Variants in WDFY1 observed in about 807,000 individuals in gnomAD.
WDFY1 encodes the protein WD repeat and FYVE domain-containing protein 1.
In WDFY1, 32 loss-of-function variants were observed where a neutral mutation model predicts 56.4. That is an observed-to-expected ratio of 0.57 (90% CI 0.43 to 0.76). The LOEUF is 0.76. WDFY1 is among the 30% of genes least tolerant of loss of function. The pLI is 0.00. For missense variants in WDFY1, 480 were observed against 545.7 expected (o/e 0.88, Z 1.20); for synonymous variants, 192 against 197.3 (o/e 0.97, Z 0.23).
intron 1 of WDFY1, among the ~76,000 whole-genome samples, chr2:223,934,354 G>A (rs1223313848): frequency 1.3e-5 from 2 of 151,992 alleles, no homozygotes; most frequent in Non-Finnish European, 2.9e-5. Flanking sequence ...GCCCCGCAAA[G>A]TGCTGGGATT....
intron 8 of WDFY1, among the ~76,000 whole-genome samples, chr2:223,888,410 T>C (rs1693208225): frequency 6.6e-6 from 1 of 152,012 alleles, no homozygotes; most frequent in Non-Finnish European, 1.5e-5. Flanking sequence ...GGGGCTGGCA[T>C]TTGAATTATG....
At chr2:223,909,115 T>G (rs2106087036) in intron 3 of WDFY1, among the ~76,000 whole-genome samples, 1 of 152,264 alleles carries the variant, frequency 6.6e-6, no homozygotes, top group Admixed American at 6.5e-5. Flanking sequence ...CCATGTAGTT[T>G]CCCTAAAGCA....
At chr2:223,921,597 A>T in intron 1 of WDFY1, among the ~76,000 whole-genome samples, 1 of 147,064 alleles carries the variant, frequency 6.8e-6, no homozygotes, top group Admixed American at 6.8e-5. Context: ...TATTTTAAAG[A>T]TTTTTTTTTT....
At chr2:223,929,080 C>A (rs773347817) in intron 1 of WDFY1, among the ~76,000 whole-genome samples, 2 of 152,072 alleles carry the variant, frequency 1.3e-5, no homozygotes. Flanking sequence ...AGAAGATGCT[C>A]CCAAAAGGCA....
At chr2:223,945,005 G>A in intron 1 of WDFY1, 143 bp downstream of exon 1, 1 of 971,540 alleles carries the variant, frequency 1.0e-6, no homozygotes. Context: ...GGAACCCGGC[G>A]GAGCTAAGGG....
intron 6 of WDFY1, among the ~76,000 whole-genome samples, chr2:223,898,745 C>G (rs1019316301): frequency 2.0e-5 from 3 of 152,100 alleles, no homozygotes; most frequent in African/African-American, 7.2e-5. Flanking sequence ...AAAGTATTAT[C>G]CACACAAGCA....
intron 3 of WDFY1, among the ~76,000 whole-genome samples, chr2:223,908,814 T>C (rs1198317985): frequency 5.3e-5 from 8 of 152,160 alleles, no homozygotes; most frequent in Non-Finnish European, 1.0e-4. Context: ...ATCTTTTCTG[T>C]CTCTGAAGAC....
At chr2:223,925,226 A>T (rs1187719863) in intron 1 of WDFY1, among the ~76,000 whole-genome samples, 1 of 152,016 alleles carries the variant, frequency 6.6e-6, no homozygotes, top group Non-Finnish European at 1.5e-5. Context: ...AAAAAAAAAA[A>T]AAAAAAGCAT....
chr2:223,931,724 T>C (rs1694078035), intron 1 of WDFY1, among the ~76,000 whole-genome samples: 1 of 151,406 alleles, frequency 6.6e-6, no homozygotes, highest in East Asian at 1.9e-4. Flanking sequence ...TCTTGCTCTG[T>C]TGCACAGGTT....
intron 1 of WDFY1, among the ~76,000 whole-genome samples, chr2:223,921,416 CAT>C (rs1014136113): frequency 6.6e-6 from 1 of 151,822 alleles, no homozygotes; most frequent in African/African-American, 2.4e-5. Flanking sequence ...CAGGAAACTC[CAT>C]AGAGAAATGA....
At chr2:223,934,516 T>A (rs1694136774) in intron 1 of WDFY1, among the ~76,000 whole-genome samples, 2 of 152,140 alleles carry the variant, frequency 1.3e-5, no homozygotes, top group Admixed American at 1.3e-4. Context: ...TAGAAAAATT[T>A]TATTTTATTT....
intron 3 of WDFY1, among the ~76,000 whole-genome samples, chr2:223,911,400 G>A (rs1693697698): frequency 6.6e-6 from 1 of 152,094 alleles, no homozygotes; most frequent in Non-Finnish European, 1.5e-5. Context: ...ATATAATTAT[G>A]TTATTTAAGT....
intron 1 of WDFY1, among the ~76,000 whole-genome samples, chr2:223,931,689 T>TC (rs35210225): frequency 0.82 from 117,259 of 143,780 alleles, 48,039 homozygotes; most frequent in Non-Finnish European, 0.92. Context: ...TTTCTTTCTT[T>TC]TTTTTTTTTT....
chr2:223,879,311 T>G (rs1693025508), intron 11 of WDFY1, among the ~76,000 whole-genome samples: 1 of 152,218 alleles, frequency 6.6e-6, no homozygotes, highest in African/African-American at 2.4e-5. Flanking sequence ...TTCAATTTTT[T>G]TTTTAGAAAA....
intron 1 of WDFY1, among the ~76,000 whole-genome samples, chr2:223,927,070 C>T (rs1375850051): frequency 6.6e-6 from 1 of 152,200 alleles, no homozygotes; most frequent in Admixed American, 6.5e-5. Flanking sequence ...CACATGTTGT[C>T]ATCCAGGCTT....
At chr2:223,880,677 A>G (rs1693054225) in intron 10 of WDFY1, among the ~76,000 whole-genome samples, 1 of 151,914 alleles carries the variant, frequency 6.6e-6, no homozygotes, top group African/African-American at 2.4e-5. Flanking sequence ...AATTGTGGCT[A>G]TGGTTTTGAA....
At chr2:223,884,812 T>G (rs1005571661) in intron 8 of WDFY1, 63 bp from the exon 9 acceptor site, 10 of 1,439,936 alleles carry the variant, frequency 6.9e-6, no homozygotes, top group Non-Finnish European at 8.8e-6. Flanking sequence ...TGTTTCAAAA[T>G]TAATACAACA....
In WDFY1 at chr2:223,911,610, AC is replaced by A. The variant is rs1211404576; in HGVS notation, c.279+642del. Among the ~76,000 whole-genome samples the A allele has an allele frequency of 5.5e-4, 79 of 143,084 alleles. 2 individuals are homozygous for A. The highest frequency in any genetic ancestry group is 2.0e-3 in the African/African-American group (77 of 38,150). 93.9% of individuals were successfully genotyped at this position (143,084 alleles called of 152,430 possible). On this transcript the variant is annotated intron_variant, in intron 3 of 11. Coordinates refer to ENST00000233055, the MANE Select transcript of WDFY1 (RefSeq NM_020830.5). ...CACACACACACACACACACACACAC[AC>A]ACACAGAGTGACAGAGGCTCTCCAC...
chr2:223,878,797 C>T (rs1574754438), intron 11 of WDFY1, 67 bp from the exon 12 acceptor site: 2 of 1,569,006 alleles, frequency 1.3e-6, no homozygotes, highest in East Asian at 2.3e-5. Flanking sequence ...AGAGTCAACA[C>T]AGACAAACAA....
Sources: gnomAD v4.1 joint callset for allele counts (sites outside exome capture counted in the v4.1 genomes callset) on GRCh38, gnomAD v4.1.1 for gene constraint, MANE v1.5 for transcripts, NCBI Gene and HGNC (gene_info 2026-07-23, HGNC 2026-07-21) for gene names.